SHB: variants seen among roughly 807,000 people sequenced by gnomAD.
SHB encodes the protein SH2 domain-containing adapter protein B.
SHB carries 20 observed loss-of-function variants against 52.3 expected under a neutral mutation model. The ratio of observed to expected loss-of-function variants is 0.38; its 90% CI spans 0.27 to 0.56. The LOEUF (loss-of-function observed/expected upper bound fraction) is 0.56, where lower values mean the gene tolerates loss of function less well. SHB is among the 20% of genes least tolerant of loss of function. SHB has a pLI of 0.71. For missense variants in SHB, 825 were observed against 723.3 expected, an observed-to-expected ratio of 1.14 and a Z score of -1.61; for synonymous variants, 397 against 316.5, an observed-to-expected ratio of 1.25 and a Z score of -2.70.
chr9:38,034,743 C>G lies in SHB; in HGVS notation c.718-18612G>C, dbSNP rs149680516. Among the ~76,000 whole-genome samples, 8 of 152,366 alleles carry G rather than the reference C, an allele frequency of 5.3e-5. No homozygotes were observed. In the East Asian group the frequency reaches 1.5e-3, roughly 29 times the overall value. ...ACGCAGTCTCGCTCTGCCACCCAGG[C>G]TGGAGTGCAGTGGTGCGATCTCAGC... On this transcript the variant is annotated intron_variant, in intron 1 of 5. Coordinates refer to ENST00000377707, the MANE Select transcript of SHB (RefSeq NM_003028.3).
chr9:38,024,026 C>T (rs975613754), intron 1 of SHB, among the ~76,000 whole-genome samples: 1 of 152,258 alleles, frequency 6.6e-6, no homozygotes, highest in Non-Finnish European at 1.5e-5. Context: ...CACTCAGCTG[C>T]AACTGCTGGA....
chr9:37,987,675 T>A (rs1225278614), intron 2 of SHB, among the ~76,000 whole-genome samples: 2 of 152,188 alleles, frequency 1.3e-5, no homozygotes, highest in African/African-American at 4.8e-5. Context: ...CCCTGAGGTT[T>A]ATCTGACCAC....
chr9:38,001,061 C>T (rs890374615), intron 2 of SHB, among the ~76,000 whole-genome samples: 2 of 152,194 alleles, frequency 1.3e-5, no homozygotes, highest in African/African-American at 4.8e-5. Flanking sequence ...TTTGCTCTTC[C>T]TTTTTTCTTT....
chr9:38,038,132 C>G (rs1226839679), intron 1 of SHB, among the ~76,000 whole-genome samples: 1 of 152,218 alleles, frequency 6.6e-6, no homozygotes, highest in East Asian at 1.9e-4. Flanking sequence ...TCTGCCCTCC[C>G]CATCCTACGC....
chr9:38,016,596 G>A (rs989987179), intron 1 of SHB, among the ~76,000 whole-genome samples: 6 of 152,158 alleles, frequency 3.9e-5, no homozygotes, highest in African/African-American at 9.7e-5. Context: ...TAATTAGCTC[G>A]GCGTTCCATT....
chr9:37,968,517 G>A lies in SHB; in HGVS notation c.1054+6105C>T, dbSNP rs555847250. Reference sequence around the variant, plus strand: ...AATAAGTATGCTGAGCAGTATTTGAGTCATGTGTCTTTTATCTTTGCTATG... The same window carrying A: ...AATAAGTATGCTGAGCAGTATTTGAATCATGTGTCTTTTATCTTTGCTATG... On this transcript the variant is annotated intron_variant, in intron 3 of 5. Transcript: ENST00000377707. Among the ~76,000 whole-genome samples, 6 of 152,358 alleles carry A rather than the reference G, an allele frequency of 3.9e-5. No individual in the cohort carries two copies. The East Asian group carries it at 7.7e-4, about 20-fold the overall frequency.
chr9:37,988,968 CTCTCCTGGG>C lies in SHB; in HGVS notation c.839-14140_839-14132del, dbSNP rs1406633324. 7.9e-5 allele frequency among the ~76,000 whole-genome samples: 12 copies of C among 152,318 alleles called. No individual in the cohort carries two copies. The East Asian group carries it at 2.1e-3, about 27-fold the overall frequency. Reference sequence around the variant, plus strand: ...TCTTGGACTGGTACTAAACCACTGGCTCTCCTGGGTCTCCAGCTTACTAACTTACCAACA... The same window carrying C: ...TCTTGGACTGGTACTAAACCACTGGCTCTCCAGCTTACTAACTTACCAACA... On this transcript the variant is annotated intron_variant, in intron 2 of 5. Transcript: ENST00000377707.
chr9:38,022,194 T>C, intron 1 of SHB, among the ~76,000 whole-genome samples: 1 of 152,166 alleles, frequency 6.6e-6, no homozygotes, highest in East Asian at 1.9e-4. Context: ...CCTCATCACA[T>C]TACATACACC....
At chr9:38,034,529 C>T (rs1464683122) in intron 1 of SHB, among the ~76,000 whole-genome samples, 1 of 152,218 alleles carries the variant, frequency 6.6e-6, no homozygotes, top group African/African-American at 2.4e-5. Context: ...GATCATTCTT[C>T]CTGAAATTGA....
At position 37,918,899 on chromosome 9, in the gene SHB, T is replaced by C. The variant is rs1366280088; in HGVS notation, c.*922A>G. ...CTATGTCCACTGCTGAAGCCTGAAC[T>C]CTGAGCTCTGGGTTGACTCCCAGAG... On this transcript the variant is annotated 3_prime_UTR_variant, in exon 6 of 6. Transcript: ENST00000377707. 1.3e-5 allele frequency among the ~76,000 whole-genome samples: 2 copies of C among 152,140 alleles called. No individual in the cohort carries two copies. Among genetic ancestry groups the C allele is most frequent in the Admixed American group, 6.5e-5 (1 of 15,282 alleles).
intron 2 of SHB, among the ~76,000 whole-genome samples, chr9:37,995,591 C>T (rs1820937557): frequency 6.6e-6 from 1 of 152,224 alleles, no homozygotes; most frequent in South Asian, 2.1e-4. Context: ...AAGGTCCTTA[C>T]ACTCTCATTC....
chr9:37,988,589 C>T (rs1192143721), intron 2 of SHB, among the ~76,000 whole-genome samples: 3 of 152,164 alleles, frequency 2.0e-5, no homozygotes, highest in Non-Finnish European at 4.4e-5. Flanking sequence ...CTCTGCCCAC[C>T]GACAAGCTTC....
intron 1 of SHB, among the ~76,000 whole-genome samples, chr9:38,051,444 A>T (rs1264971266): frequency 6.7e-6 from 1 of 150,244 alleles, no homozygotes; most frequent in East Asian, 1.9e-4. Flanking sequence ...TCCGTCTAAA[A>T]AAAAAAAAAA....
chr9:37,943,037 A>ACT (rs957154048), intron 5 of SHB, among the ~76,000 whole-genome samples: 9 of 151,958 alleles, frequency 5.9e-5, no homozygotes, highest in Admixed American at 5.2e-4. Flanking sequence ...AACCTTGAGA[A>ACT]CTCCCTGCTG....
chr9:37,921,832 C>A (rs1832183942), intron 5 of SHB, among the ~76,000 whole-genome samples: 1 of 152,244 alleles, frequency 6.6e-6, no homozygotes, highest in Admixed American at 6.5e-5. Flanking sequence ...AGATCTGTGC[C>A]AGTTTGGAAA....
At chr9:37,973,958 T>C (rs1456144378) in intron 3 of SHB, among the ~76,000 whole-genome samples, 1 of 152,126 alleles carries the variant, frequency 6.6e-6, no homozygotes, top group East Asian at 1.9e-4. Flanking sequence ...AAGTTCCTTC[T>C]GAAAACTGAA....
At chr9:38,026,297 G>A (rs1355543419) in intron 1 of SHB, among the ~76,000 whole-genome samples, 1 of 152,246 alleles carries the variant, frequency 6.6e-6, no homozygotes, top group African/African-American at 2.4e-5. Context: ...TGTGCTAGAA[G>A]CCAAGGTTAA....
chr9:37,935,951 G>A (rs3861002), intron 5 of SHB, among the ~76,000 whole-genome samples: 25,457 of 151,434 alleles, frequency 0.17, 2,272 homozygotes, highest in East Asian at 0.34. Context: ...ATTATAGGCC[G>A]GGCGACTTTA....
intron 5 of SHB, among the ~76,000 whole-genome samples, chr9:37,933,456 G>A (rs780662219): frequency 1.8e-4 from 27 of 152,198 alleles, no homozygotes; most frequent in African/African-American, 2.7e-4. Context: ...CTTCATTACA[G>A]ACACCATGGA....
Sources: gnomAD v4.1 joint callset for allele counts (sites outside exome capture counted in the v4.1 genomes callset) on GRCh38, gnomAD v4.1.1 for gene constraint, MANE v1.5 for transcripts, NCBI Gene and HGNC (gene_info 2026-07-23, HGNC 2026-07-21) for gene names.